The following SPRR2G variants were observed in gnomAD, a reference collection of about 807,000 sequenced individuals.
SPRR2G encodes the protein small proline-rich protein 2G.
SPRR2G carries 1 observed loss-of-function variant against 0.7 expected under a neutral mutation model. The ratio of observed to expected loss-of-function variants is 1.49; its 90% CI spans 0.53 to 7.06. SPRR2G has a LOEUF of 7.06. SPRR2G is among the 30% of genes most tolerant of loss of function. The pLI, the probability that SPRR2G is intolerant of heterozygous loss-of-function variation, is 0.14. For synonymous variants in SPRR2G, 38 were observed against 33.9 expected, an observed-to-expected ratio of 1.12 and a Z score of -0.42; for missense variants, 96 against 88.5, an observed-to-expected ratio of 1.09 and a Z score of -0.34.
chr1:153,164,433 C>G, the SPRR2G span, among the ~76,000 whole-genome samples: 2 of 152,082 alleles, frequency 1.3e-5, no homozygotes, highest in Non-Finnish European at 2.9e-5. Flanking sequence ...GTCAGAAGCT[C>G]AAAAGAGTAG....
chr1:153,169,277 C>A, the SPRR2G span, among the ~76,000 whole-genome samples: 1 of 152,124 alleles, frequency 6.6e-6, no homozygotes, highest in South Asian at 2.1e-4. Flanking sequence ...AAAAGGCCAC[C>A]TACCAGCCGG....
At chr1:153,200,194 G>A in the SPRR2G span, among the ~76,000 whole-genome samples, 25 of 152,148 alleles carry the variant, frequency 1.6e-4, no homozygotes, top group African/African-American at 4.6e-4. Context: ...GAAATCATCC[G>A]TTAATAGTTA....
chr1:153,188,130 G>A, the SPRR2G span, among the ~76,000 whole-genome samples: 1 of 152,188 alleles, frequency 6.6e-6, no homozygotes, highest in Non-Finnish European at 1.5e-5. Context: ...TCCTGTATGA[G>A]GTATCTGTCG....
chr1:153,184,946 G>T, the SPRR2G span, among the ~76,000 whole-genome samples: 1 of 152,126 alleles, frequency 6.6e-6, no homozygotes, highest in African/African-American at 2.4e-5. Flanking sequence ...GGCCTTTTCT[G>T]CATCTATTGA....
chr1:153,177,671 A>C, the SPRR2G span, among the ~76,000 whole-genome samples: 2 of 152,038 alleles, frequency 1.3e-5, no homozygotes, highest in Non-Finnish European at 2.9e-5. Flanking sequence ...TCTATTTCTG[A>C]GTTCTTTATG....
chr1:153,199,178 G>A, the SPRR2G span, among the ~76,000 whole-genome samples: 1 of 152,192 alleles, frequency 6.6e-6, no homozygotes, highest in Non-Finnish European at 1.5e-5. Flanking sequence ...TGAAAGGGGA[G>A]GATGTATATC....
the SPRR2G span, among the ~76,000 whole-genome samples, chr1:153,165,183 T>TGGAC: frequency 6.6e-6 from 1 of 151,354 alleles, no homozygotes; most frequent in Non-Finnish European, 1.5e-5. Flanking sequence ...GATGGATGGA[T>TGGAC]GGATGGATGG....
the SPRR2G span, among the ~76,000 whole-genome samples, chr1:153,158,633 G>C: frequency 2.0e-5 from 3 of 152,196 alleles, no homozygotes; most frequent in African/African-American, 7.2e-5. Flanking sequence ...AGCTCCACTA[G>C]GCAGTGCCCC....
the SPRR2G span, among the ~76,000 whole-genome samples, chr1:153,171,438 C>G: frequency 6.6e-6 from 1 of 152,222 alleles, no homozygotes; most frequent in African/African-American, 2.4e-5. Context: ...ATTCATTCAT[C>G]AGACTGACAT....
chr1:153,181,422 C>T, the SPRR2G span, among the ~76,000 whole-genome samples: 9 of 152,184 alleles, frequency 5.9e-5, no homozygotes, highest in Admixed American at 3.3e-4. Context: ...ATTTCAGTTC[C>T]TCACTTCCAG....
At chr1:153,200,974 G>A in the SPRR2G span, among the ~76,000 whole-genome samples, 2 of 152,164 alleles carry the variant, frequency 1.3e-5, no homozygotes, top group East Asian at 1.9e-4. Context: ...CCAAAGTGCT[G>A]GGATTACAGG....
chr1:153,155,404 T>A (rs499893), upstream of SPRR2G, among the ~76,000 whole-genome samples: 1 of 151,860 alleles, frequency 6.6e-6, no homozygotes, highest in South Asian at 2.1e-4. Context: ...AACTCCTCAT[T>A]CTGACAGTTC....
chr1:153,166,451 T>TTTG, the SPRR2G span, among the ~76,000 whole-genome samples: 21 of 152,094 alleles, frequency 1.4e-4, no homozygotes, highest in South Asian at 6.2e-4. Flanking sequence ...TACAAGCCTT[T>TTTG]TTGTTGTTGT....
the SPRR2G span, among the ~76,000 whole-genome samples, chr1:153,168,082 A>C: frequency 6.6e-6 from 1 of 152,214 alleles, no homozygotes; most frequent in Non-Finnish European, 1.5e-5. Context: ...TTTTACTTTA[A>C]CATCTCAAAA....
the SPRR2G span, among the ~76,000 whole-genome samples, chr1:153,176,793 T>C: frequency 1.0e-3 from 159 of 152,358 alleles, no homozygotes; most frequent in African/African-American, 3.5e-3. Context: ...CAATAATGCA[T>C]TGTCTCATTA....
At chr1:153,170,770 A>T in the SPRR2G span, among the ~76,000 whole-genome samples, 1 of 152,164 alleles carries the variant, frequency 6.6e-6, no homozygotes, top group Non-Finnish European at 1.5e-5. Flanking sequence ...TCCCACTCAA[A>T]GGTCCTACCT....
At chr1:153,202,439 TA>T in the SPRR2G span, among the ~76,000 whole-genome samples, 1 of 152,192 alleles carries the variant, frequency 6.6e-6, no homozygotes, top group Admixed American at 6.5e-5. Context: ...CTAGTTGCAG[TA>T]AAAAGCTTTT....
upstream of SPRR2G, among the ~76,000 whole-genome samples, chr1:153,155,585 C>A (rs1656565733): frequency 6.6e-6 from 1 of 152,116 alleles, no homozygotes; most frequent in Non-Finnish European, 1.5e-5. Flanking sequence ...AAGAGTGATA[C>A]ATTAAAAAGT....
chr1:153,189,367 C>T, the SPRR2G span, among the ~76,000 whole-genome samples: 21 of 151,934 alleles, frequency 1.4e-4, no homozygotes, highest in Non-Finnish European at 2.9e-4. Flanking sequence ...ATAAATTCTT[C>T]TAAGTCAGAC....
Sources: allele counts gnomAD v4.1 joint callset (sites outside exome capture counted in the v4.1 genomes callset), GRCh38; gene constraint gnomAD v4.1.1; transcripts MANE v1.5; gene names NCBI Gene and HGNC (gene_info 2026-07-23, HGNC 2026-07-21).